Variants in EIF3L observed in about 807,000 individuals in gnomAD.
EIF3L encodes the protein eukaryotic translation initiation factor 3 subunit L.
In EIF3L, 32 loss-of-function variants were observed where a neutral mutation model predicts 74.6. The observed-to-expected ratio is 0.43, with a 90% CI of 0.32 to 0.58. The LOEUF (loss-of-function observed/expected upper bound fraction) is 0.58, where lower values mean the gene tolerates loss of function less well. EIF3L is among the 20% of genes least tolerant of loss of function. The pLI is 0.06. For synonymous variants in EIF3L, 256 were observed against 254.4 expected (o/e 1.01, Z -0.06); for missense variants, 474 against 707.8 (o/e 0.67, Z 3.75).
At chr22:37,856,825 CAA>C (rs1336868559) in intron 4 of EIF3L, among the ~76,000 whole-genome samples, 1 of 145,112 alleles carries the variant, frequency 6.9e-6, no homozygotes, top group Non-Finnish European at 1.5e-5. Flanking sequence ...GCCTGGGCAA[CAA>C]GAGCGAAACT....
At chr22:37,849,668 G>A (rs1247048221) in intron 1 of EIF3L, 186 bp downstream of exon 1, 3 of 659,754 alleles carry the variant, frequency 4.5e-6, no homozygotes, top group Non-Finnish European at 7.8e-6. Context: ...CCCACTTCGC[G>A]TGTTCGATTG....
chr22:37,886,756 C>A lies in EIF3L; in HGVS notation c.1576-9C>A. ...GGCTGCTCTTCCCTGACTGTGCTTT[C>A]CCCCACAGGACATGATCCACATCGC... On this transcript the variant is annotated splice_polypyrimidine_tract_variant and intron_variant, in intron 11 of 12. Coordinates refer to ENST00000652021, the MANE Select transcript of EIF3L (RefSeq NM_016091.4). 20 of 1,605,546 alleles carry A rather than the reference C, an allele frequency of 1.2e-5. No individual in the cohort carries two copies. The highest frequency in any genetic ancestry group is 1.7e-5 in the Non-Finnish European group (20 of 1,174,468).
At chr22:37,855,455 GTTTA>G in intron 3 of EIF3L, 106 bp from the exon 4 acceptor site, 1 of 958,558 alleles carries the variant, frequency 1.0e-6, no homozygotes, top group East Asian at 2.5e-5. Context: ...CCTCAGCTCT[GTTTA>G]TTTGACATCT....
intron 10 of EIF3L, 64 bp downstream of exon 10, chr22:37,876,075 C>T (rs911134731): frequency 1.3e-6 from 2 of 1,539,264 alleles, no homozygotes; most frequent in African/African-American, 2.7e-5. Flanking sequence ...GCACCTATGC[C>T]AACCATTCTT....
At chr22:37,858,916 A>G (rs1284272081) in intron 5 of EIF3L, among the ~76,000 whole-genome samples, 176 bp downstream of exon 5, 1 of 152,044 alleles carries the variant, frequency 6.6e-6, no homozygotes, top group Non-Finnish European at 1.5e-5. Flanking sequence ...AGCTGTTCAG[A>G]CACACTAACG....
At chr22:37,856,258 G>A (rs534624515) in intron 4 of EIF3L, among the ~76,000 whole-genome samples, 2 of 152,012 alleles carry the variant, frequency 1.3e-5, no homozygotes, top group African/African-American at 2.4e-5. Flanking sequence ...TGTATTTTTA[G>A]TAGAGACGGG....
Position 37,888,474 on chromosome 22 carries a change from C to T in EIF3L, c.*10C>T. 1.2e-6 allele frequency: 2 copies of T among 1,613,370 alleles called. No individual in the cohort carries two copies. Among genetic ancestry groups the T allele is most frequent in the Non-Finnish European group, 1.7e-6 (2 of 1,179,926 alleles). On this transcript the variant is annotated 3_prime_UTR_variant, in exon 13 of 13. Coordinates refer to ENST00000652021, the MANE Select transcript of EIF3L (RefSeq NM_016091.4). ...GGGACAGAGACCTTGATGATATTCA[C>T]ACACATTCAGGAACCTGTTTTGATG...
chr22:37,859,794 A>T (rs1482986624), intron 5 of EIF3L, among the ~76,000 whole-genome samples: 3 of 152,052 alleles, frequency 2.0e-5, no homozygotes, highest in Non-Finnish European at 4.4e-5. Context: ...ACCTGAGGTC[A>T]GGAATTTGAG....
In EIF3L at chr22:37,883,909, G is replaced by C. The variant is rs1186534528; in HGVS notation, c.1576-2856G>C. 11 of 146,670 alleles carry C rather than the reference G, an allele frequency of 7.5e-5. No homozygotes were observed. The Admixed American group carries it at 7.7e-4, about 10-fold the overall frequency. 9.1% of individuals were successfully genotyped at this position (146,670 alleles called of 1,614,324 possible). On this transcript the variant is annotated intron_variant, in intron 11 of 12. Transcript: ENST00000652021. ...AGCCTGAGTGACAGAGTGAGACCCTGTCTCCATAAATAAATAGAATGAATG... is the reference window on the plus strand; with the variant it reads ...AGCCTGAGTGACAGAGTGAGACCCTCTCTCCATAAATAAATAGAATGAATG...
chr22:37,873,423 C>T (rs1201888463), intron 8 of EIF3L, among the ~76,000 whole-genome samples: 1 of 123,802 alleles, frequency 8.1e-6, no homozygotes, highest in Non-Finnish European at 1.8e-5. Context: ...CTCAGCCTCC[C>T]AAGTAGCTGG....
At chr22:37,874,184 A>G (rs1926623877) in intron 8 of EIF3L, among the ~76,000 whole-genome samples, 186 bp from the exon 9 acceptor site, 1 of 152,204 alleles carries the variant, frequency 6.6e-6, no homozygotes, top group Admixed American at 6.5e-5. Flanking sequence ...AAATATTGGT[A>G]AATCGAAGAT....
chr22:37,888,478 C>T lies in EIF3L; in HGVS notation c.*14C>T. ...CAGAGACCTTGATGATATTCACACA[C>T]ATTCAGGAACCTGTTTTGATGTATT... On this transcript the variant is annotated 3_prime_UTR_variant, in exon 13 of 13. Transcript: ENST00000652021. 6 of 1,613,160 alleles carry T rather than the reference C, an allele frequency of 3.7e-6. No individual in the cohort carries two copies. Among genetic ancestry groups the T allele is most frequent in the Non-Finnish European group, 5.1e-6 (6 of 1,179,864 alleles).
chr22:37,877,584 C>T (rs550010918), intron 10 of EIF3L, 90 bp from the exon 11 acceptor site: 1 of 1,441,152 alleles, frequency 6.9e-7, no homozygotes, highest in Non-Finnish European at 9.4e-7. Flanking sequence ...AGTCAAAGAT[C>T]TGTGCAGAGA....
chr22:37,858,752 A>C lies in EIF3L; in HGVS notation c.435+12A>C, dbSNP rs1483676955. 2.5e-6 allele frequency: 4 copies of C among 1,592,708 alleles called. No homozygotes were observed. In the South Asian group the frequency reaches 4.7e-5, roughly 19 times the overall value. ...ATGCCAAAGTCAGTGTAAGTATTTA[A>C]GTGTCGCAGTTTTTTTTTTGTTTTT... is the stretch of plus-strand genomic sequence containing the variant. On this transcript the variant is annotated intron_variant, in intron 5 of 12. Transcript: ENST00000652021.
chr22:37,859,832 C>T (rs976292487), intron 5 of EIF3L, among the ~76,000 whole-genome samples: 5 of 152,076 alleles, frequency 3.3e-5, no homozygotes, highest in South Asian at 2.1e-4. Flanking sequence ...GGAGAAACCT[C>T]GTCTCTATTA....
Position 37,875,904 on chromosome 22 carries a change from T to C in EIF3L, c.970T>C (p.Leu324=). The change falls in exon 10 of 13, where the codon TTG becomes CTG. Residue 324 remains leucine, a synonymous_variant. Coordinates refer to ENST00000652021, the MANE Select transcript of EIF3L (RefSeq NM_016091.4). The part of the protein sequence containing the change: ...TTYYYVGFAY[L]MMRRYQDAIR... ...ATACTATTATGTTGGGTTTGCATAT[T>C]TGATGATGCGTCGTTACCAGGATGC... 6.2e-7 allele frequency: 1 copy of C among 1,614,136 alleles called. No homozygotes were observed. The highest frequency in any genetic ancestry group is 8.5e-7 in the Non-Finnish European group (1 of 1,180,034).
chr22:37,868,527 C>G (rs1477431132), intron 7 of EIF3L, among the ~76,000 whole-genome samples: 1 of 151,598 alleles, frequency 6.6e-6, no homozygotes, highest in South Asian at 2.1e-4. Context: ...GATCTCAGCT[C>G]ACTGCAACCT....
chr22:37,856,494 A>T (rs956630382), intron 4 of EIF3L, among the ~76,000 whole-genome samples: 46 of 152,290 alleles, frequency 3.0e-4, no homozygotes, highest in African/African-American at 9.9e-4. Context: ...ACAGGCATGC[A>T]CCACTGTGCC....
At chr22:37,860,012 CAAAAA>C (rs1925771609) in intron 5 of EIF3L, among the ~76,000 whole-genome samples, 2 of 152,020 alleles carry the variant, frequency 1.3e-5, no homozygotes, top group African/African-American at 4.8e-5. Flanking sequence ...ACTCTTGTCT[CAAAAA>C]GAAAAGAAAA....
Sources: allele counts gnomAD v4.1 joint callset (sites outside exome capture counted in the v4.1 genomes callset), GRCh38; gene constraint gnomAD v4.1.1; transcripts MANE v1.5; gene names NCBI Gene and HGNC (gene_info 2026-07-23, HGNC 2026-07-21).